Variants in PRELID2 observed in about 807,000 individuals in gnomAD.
PRELID2 encodes the protein PRELI domain-containing protein 2.
A neutral mutation model predicts 28.4 loss-of-function variants in PRELID2; 25 were observed. The observed-to-expected ratio is 0.88, with a 90% confidence interval of 0.64 to 1.23. PRELID2 has a LOEUF of 1.23. Ranked by LOEUF, PRELID2 falls within the 50% of genes most tolerant of loss-of-function variation. The pLI is 0.00. For missense variants in PRELID2, 201 were observed against 214.4 expected (o/e 0.94, Z 0.39); for synonymous variants, 76 against 71.6 (o/e 1.06, Z -0.31).
downstream of PRELID2, among the ~76,000 whole-genome samples, chr5:145,470,475 A>G (rs1752043775): frequency 1.2e-5 from 1 of 82,256 alleles, no homozygotes; most frequent in East Asian, 2.2e-4. Flanking sequence ...GACACTAGTT[A>G]GGTAATTTTT....
At chr5:145,378,166 G>T in the PRELID2 span, among the ~76,000 whole-genome samples, 1 of 152,156 alleles carries the variant, frequency 6.6e-6, no homozygotes, top group African/African-American at 2.4e-5. Context: ...CTGTTAGTCT[G>T]ATGAGCTTCC....
intron 1 of PRELID2, among the ~76,000 whole-genome samples, chr5:145,514,080 G>A (rs1752489869): frequency 6.6e-6 from 1 of 152,012 alleles, no homozygotes; most frequent in Admixed American, 6.6e-5. Context: ...TGAAGAAACT[G>A]CATGAACTAA....
the PRELID2 span, among the ~76,000 whole-genome samples, chr5:145,285,147 CA>C: frequency 5.3e-5 from 8 of 152,194 alleles, no homozygotes; most frequent in East Asian, 1.5e-3. Flanking sequence ...CTGGGTGATT[CA>C]ACTTTTTGTC....
intron 1 of PRELID2, among the ~76,000 whole-genome samples, chr5:145,705,853 A>G (rs949211096): frequency 3.3e-5 from 5 of 151,506 alleles, no homozygotes; most frequent in Non-Finnish European, 5.9e-5. Flanking sequence ...CCTTCTTGTG[A>G]TTTTTTTCTC....
chr5:145,443,677 G>C, the PRELID2 span, among the ~76,000 whole-genome samples: 1 of 152,054 alleles, frequency 6.6e-6, no homozygotes, highest in Non-Finnish European at 1.5e-5. Flanking sequence ...GGATTCCAAA[G>C]TGCTTGAAAA....
chr5:145,406,350 T>A, the PRELID2 span, among the ~76,000 whole-genome samples: 401 of 152,328 alleles, frequency 2.6e-3, 1 homozygote, highest in African/African-American at 9.1e-3. Context: ...AATGTTTACA[T>A]AATATTTACA....
chr5:145,674,243 G>A (rs960821171), intron 1 of PRELID2, among the ~76,000 whole-genome samples: 2 of 152,228 alleles, frequency 1.3e-5, no homozygotes, highest in Non-Finnish European at 2.9e-5. Context: ...CATGTGCCAT[G>A]TTGGCATGCT....
chr5:145,267,643 G>T, the PRELID2 span, among the ~76,000 whole-genome samples: 1 of 152,132 alleles, frequency 6.6e-6, no homozygotes, highest in Non-Finnish European at 1.5e-5. Context: ...TGTCTTTGAT[G>T]TACTGATTTC....
intron 1 of PRELID2, among the ~76,000 whole-genome samples, chr5:145,584,727 A>G (rs1464192663): frequency 6.6e-6 from 1 of 152,200 alleles, no homozygotes; most frequent in African/African-American, 2.4e-5. Context: ...TCAAAACTAC[A>G]ATGAGATACC....
At chr5:145,282,548 C>G in the PRELID2 span, among the ~76,000 whole-genome samples, 1 of 146,670 alleles carries the variant, frequency 6.8e-6, no homozygotes, top group Non-Finnish European at 1.5e-5. Context: ...GAGACGGAGT[C>G]TTGTTCAGCT....
chr5:145,261,773 C>A, the PRELID2 span, among the ~76,000 whole-genome samples: 1 of 152,112 alleles, frequency 6.6e-6, no homozygotes, highest in Admixed American at 6.6e-5. Context: ...GGTACTATGA[C>A]AACAAGGTTT....
chr5:145,419,215 C>T, the PRELID2 span, among the ~76,000 whole-genome samples: 1 of 148,676 alleles, frequency 6.7e-6, no homozygotes, highest in African/African-American at 2.5e-5. Flanking sequence ...TTTATAGCAG[C>T]ATGATTTATA....
At chr5:145,620,271 C>T (rs1753756255) in intron 1 of PRELID2, among the ~76,000 whole-genome samples, 1 of 151,672 alleles carries the variant, frequency 6.6e-6, no homozygotes, top group Non-Finnish European at 1.5e-5. Context: ...AGCATAACTC[C>T]AGTAAAACAC....
intron 1 of PRELID2, among the ~76,000 whole-genome samples, chr5:145,718,513 C>A (rs1032139310): frequency 2.0e-5 from 3 of 151,794 alleles, no homozygotes; most frequent in African/African-American, 7.3e-5. Flanking sequence ...AATTCCCAGT[C>A]AAATTTCAAC....
At chr5:145,297,711 T>G in the PRELID2 span, among the ~76,000 whole-genome samples, 1 of 152,086 alleles carries the variant, frequency 6.6e-6, no homozygotes. Flanking sequence ...ATTGTATATC[T>G]AGAAAACTCC....
At chr5:145,767,177 G>A (rs529517370) in intron 5 of PRELID2, among the ~76,000 whole-genome samples, 1 of 143,780 alleles carries the variant, frequency 7.0e-6, no homozygotes, top group African/African-American at 2.6e-5. Context: ...CTGGTGGAGT[G>A]GCAGAGCAGC....
intron 1 of PRELID2, among the ~76,000 whole-genome samples, chr5:145,724,646 T>TATATAA (rs1756090075): frequency 2.5e-5 from 3 of 120,106 alleles, no homozygotes; most frequent in Non-Finnish European, 5.3e-5. Context: ...TATATATATA[T>TATATAA]AATGCCTGTA....
intron 1 of PRELID2, among the ~76,000 whole-genome samples, chr5:145,533,833 T>A (rs1190221692): frequency 2.0e-5 from 3 of 152,056 alleles, no homozygotes; most frequent in Non-Finnish European, 4.4e-5. Context: ...GAGCAGCCTA[T>A]TGCTAGTCAA....
intron 1 of PRELID2, among the ~76,000 whole-genome samples, chr5:145,510,422 G>C (rs952301966): frequency 1.3e-5 from 2 of 152,132 alleles, no homozygotes; most frequent in African/African-American, 4.8e-5. Context: ...TCAAGTCATG[G>C]AGGGCTCTTC....
Sources: allele counts gnomAD v4.1 joint callset (sites outside exome capture counted in the v4.1 genomes callset), GRCh38; gene constraint gnomAD v4.1.1; transcripts MANE v1.5; gene names NCBI Gene and HGNC (gene_info 2026-07-23, HGNC 2026-07-21).